Variants in FCHSD2 observed in about 807,000 individuals in gnomAD.
The protein encoded by FCHSD2 is FCH and double SH3 domains 2, also known as F-BAR and double SH3 domains protein 2.
FCHSD2 carries 38 observed loss-of-function variants against 108.1 expected under a neutral mutation model. That is an observed-to-expected ratio of 0.35 (90% CI 0.27 to 0.46). The LOEUF (loss-of-function observed/expected upper bound fraction) is 0.46, where lower values mean the gene tolerates loss of function less well. Ranked by LOEUF, FCHSD2 falls within the 20% of genes least tolerant of loss-of-function variation. The pLI is 1.00. For synonymous variants in FCHSD2, 279 were observed against 314.7 expected (o/e 0.89, Z 1.20); for missense variants, 751 against 897.8 (o/e 0.84, Z 2.09).
intron 8 of FCHSD2, among the ~76,000 whole-genome samples, chr11:72,962,966 G>A (rs1293390032): frequency 6.6e-6 from 1 of 152,132 alleles, no homozygotes; most frequent in East Asian, 1.9e-4. Context: ...TCAAACTCCA[G>A]TTCTACCACT....
In FCHSD2 at chr11:72,980,673, GTGTATA is replaced by G. The variant is rs1193150059; in HGVS notation, c.705+3409_705+3414del. Reference sequence around the variant, plus strand: ...TATATATGTATGTGTATGTGTGTGTGTGTATATATATATATATATATATAATGTATG... The same window carrying G: ...TATATATGTATGTGTATGTGTGTGTGTATATATATATATATATAATGTATG... On this transcript the variant is annotated intron_variant, in intron 8 of 19. Coordinates refer to ENST00000409418, the MANE Select transcript of FCHSD2 (RefSeq NM_014824.3). 5.1e-3 allele frequency among the ~76,000 whole-genome samples: 482 copies of G among 93,918 alleles called. 1 individual carries two copies. Among genetic ancestry groups the G allele is most frequent in the African/African-American group, 0.017 (447 of 25,718 alleles). 61.6% of individuals were successfully genotyped at this position (93,918 alleles called of 152,430 possible).
chr11:73,117,148 A>C (rs1367999069), intron 2 of FCHSD2, among the ~76,000 whole-genome samples: 1 of 152,216 alleles, frequency 6.6e-6, no homozygotes, highest in African/African-American at 2.4e-5. Context: ...GCTGGTACTT[A>C]TAACAAATAC....
chr11:73,016,015 A>C, intron 3 of FCHSD2, 130 bp from the exon 4 acceptor site: 1 of 605,526 alleles, frequency 1.7e-6, no homozygotes, highest in Non-Finnish European at 2.9e-6. Flanking sequence ...AAAAAAAACA[A>C]TGATAGGCTG....
At chr11:73,120,888 C>T (rs1435457854) in intron 2 of FCHSD2, among the ~76,000 whole-genome samples, 1 of 151,284 alleles carries the variant, frequency 6.6e-6, no homozygotes, top group Admixed American at 6.6e-5. Flanking sequence ...TCTAACAGCA[C>T]TGGATGTTAT....
chr11:72,877,569 C>T (rs1854995828), intron 12 of FCHSD2, among the ~76,000 whole-genome samples: 1 of 152,054 alleles, frequency 6.6e-6, no homozygotes, highest in Admixed American at 6.6e-5. Flanking sequence ...TTACAAGAAG[C>T]AGAAAGTCTC....
chr11:73,096,672 TTATAGGGAAAGTG>T (rs1860085255), intron 2 of FCHSD2, among the ~76,000 whole-genome samples: 1 of 152,112 alleles, frequency 6.6e-6, no homozygotes, highest in Non-Finnish European at 1.5e-5. Flanking sequence ...CTTCCTGAAC[TTATAGGGAAAGTG>T]TTCAGTCTTT....
At chr11:73,084,702 C>T (rs1859773911) in intron 2 of FCHSD2, among the ~76,000 whole-genome samples, 1 of 152,196 alleles carries the variant, frequency 6.6e-6, no homozygotes, top group East Asian at 1.9e-4. Flanking sequence ...CCAGTACATC[C>T]TTCACCTGTA....
chr11:73,069,310 CAAAAAAAAAAAA>C (rs369961395), intron 3 of FCHSD2, among the ~76,000 whole-genome samples: 2 of 45,984 alleles, frequency 4.3e-5, no homozygotes, highest in African/African-American at 8.5e-5. Context: ...AACTCTGTCT[CAAAAAAAAAAAA>C]AAAAAAAAAA....
At chr11:72,964,757 ATCC>A (rs987238703) in intron 8 of FCHSD2, among the ~76,000 whole-genome samples, 10 of 149,530 alleles carry the variant, frequency 6.7e-5, no homozygotes, top group Middle Eastern at 3.5e-3. Flanking sequence ...TGCCAGAGTA[ATCC>A]TTCCAAACAT....
intron 14 of FCHSD2, among the ~76,000 whole-genome samples, chr11:72,846,181 C>CTT (rs35708688): frequency 8.8e-5 from 12 of 137,114 alleles, no homozygotes; most frequent in African/African-American, 2.2e-4. Context: ...TCCTTTTGCT[C>CTT]TTTTTTTTTT....
chr11:73,046,500 T>G (rs1426912443), intron 3 of FCHSD2, among the ~76,000 whole-genome samples: 1 of 152,198 alleles, frequency 6.6e-6, no homozygotes. Flanking sequence ...ACTGGCAGCA[T>G]CCACTCCTGG....
intron 8 of FCHSD2, among the ~76,000 whole-genome samples, chr11:72,929,754 C>T (rs1026201979): frequency 1.3e-5 from 2 of 152,170 alleles, no homozygotes; most frequent in African/African-American, 2.4e-5. Context: ...AACCAAAGAG[C>T]TTGAAAACAA....
intron 13 of FCHSD2, among the ~76,000 whole-genome samples, chr11:72,864,732 T>C (rs1854685712): frequency 6.6e-6 from 1 of 152,242 alleles, no homozygotes; most frequent in Admixed American, 6.5e-5. Flanking sequence ...TTATATAACT[T>C]CTTCTATTGC....
In FCHSD2 at chr11:73,093,476, C is replaced by G. The variant is rs141698014; in HGVS notation, c.120-9736G>C. Among the ~76,000 whole-genome samples the G allele has an allele frequency of 4.5e-3, 683 of 152,266 alleles. 5 individuals carry two copies. The highest frequency in any genetic ancestry group is 0.016 in the African/African-American group (649 of 41,536). ...GTATTAGGGATTCTCGAACTTACAGCTGGTGTCAGAATTGAGAGCTGTCTT... is the reference window on the plus strand; with the variant it reads ...GTATTAGGGATTCTCGAACTTACAGGTGGTGTCAGAATTGAGAGCTGTCTT... On this transcript the variant is annotated intron_variant, in intron 2 of 19. Transcript: ENST00000409418.
intron 2 of FCHSD2, among the ~76,000 whole-genome samples, chr11:73,123,380 C>T (rs367734791): frequency 2.6e-5 from 4 of 152,150 alleles, no homozygotes; most frequent in Admixed American, 6.6e-5. Context: ...GCATATTAAA[C>T]GGTGGTAACT....
chr11:72,957,019 CTTTTT>C (rs76815220), intron 8 of FCHSD2, among the ~76,000 whole-genome samples: 3 of 145,842 alleles, frequency 2.1e-5, no homozygotes. Context: ...GGACTCTAGT[CTTTTT>C]TTTTTTTTCT....
At chr11:73,045,775 G>T (rs890091229) in intron 3 of FCHSD2, among the ~76,000 whole-genome samples, 1 of 151,880 alleles carries the variant, frequency 6.6e-6, no homozygotes, top group Non-Finnish European at 1.5e-5. Context: ...TTGTGGGGTG[G>T]GGGGAGCGGG....
intron 3 of FCHSD2, among the ~76,000 whole-genome samples, chr11:73,038,781 C>T (rs1343475574): frequency 6.6e-6 from 1 of 152,108 alleles, no homozygotes; most frequent in Non-Finnish European, 1.5e-5. Flanking sequence ...ATACTCCAAA[C>T]CTCGGCATCA....
intron 3 of FCHSD2, among the ~76,000 whole-genome samples, chr11:73,024,098 AAGAACTTTGACAATACCCAC>A (rs961583370): frequency 2.0e-5 from 3 of 152,172 alleles, no homozygotes; most frequent in Admixed American, 6.5e-5. Context: ...TCAAAACCCA[AAGAACTTTGACAATACCCAC>A]AGAACTTTGA....
Sources: allele counts gnomAD v4.1 joint callset (sites outside exome capture counted in the v4.1 genomes callset), GRCh38; gene constraint gnomAD v4.1.1; transcripts MANE v1.5; gene names NCBI Gene and HGNC (gene_info 2026-07-23, HGNC 2026-07-21).